Variants in CTNND2 observed in about 807,000 individuals in gnomAD.
CTNND2 encodes catenin delta 2, also known as catenin delta-2.
In CTNND2, 22 loss-of-function variants were observed where a neutral mutation model predicts 144.4. The ratio of observed to expected loss-of-function variants is 0.15; its 90% CI spans 0.11 to 0.22. CTNND2 has a LOEUF of 0.22. Ranked by LOEUF, CTNND2 falls within the 10% of genes least tolerant of loss-of-function variation. CTNND2 has a pLI of 1.00. For missense variants in CTNND2, 1,353 were observed against 1,618.8 expected (o/e 0.84, Z 2.82); for synonymous variants, 751 against 695.6 (o/e 1.08, Z -1.25).
At chr5:11,578,906 T>G (rs537950517) in intron 2 of CTNND2, among the ~76,000 whole-genome samples, 2 of 152,314 alleles carry the variant, frequency 1.3e-5, no homozygotes, top group African/African-American at 4.8e-5. Flanking sequence ...TATATTTCCC[T>G]GCTGCTTAGG....
At chr5:11,736,665 C>T (rs1015603067) in intron 1 of CTNND2, among the ~76,000 whole-genome samples, 2 of 152,044 alleles carry the variant, frequency 1.3e-5, no homozygotes, top group Non-Finnish European at 2.9e-5. Context: ...TGGCCAAATA[C>T]GTCAGTCTTA....
intron 2 of CTNND2, among the ~76,000 whole-genome samples, chr5:11,644,413 A>G (rs2561603): frequency 0.3 from 45,594 of 152,038 alleles, 8,309 homozygotes; most frequent in African/African-American, 0.5. Flanking sequence ...AGTGGCTCAC[A>G]CCTGTAATCT....
At chr5:11,357,462 C>T (rs1756008801) in intron 8 of CTNND2, among the ~76,000 whole-genome samples, 2 of 151,954 alleles carry the variant, frequency 1.3e-5, no homozygotes, top group Admixed American at 6.6e-5. Context: ...CTCACTCAAA[C>T]ATGGAATCTA....
At chr5:11,445,039 T>C (rs1581211881) in intron 3 of CTNND2, among the ~76,000 whole-genome samples, 1 of 152,150 alleles carries the variant, frequency 6.6e-6, no homozygotes, top group Non-Finnish European at 1.5e-5. Flanking sequence ...TAACATAAAC[T>C]GGGTGCTTCA....
chr5:11,768,219 G>A (rs1327433438), intron 1 of CTNND2, among the ~76,000 whole-genome samples: 1 of 152,304 alleles, frequency 6.6e-6, no homozygotes, highest in Non-Finnish European at 1.5e-5. Context: ...ACTAAGTCAT[G>A]AGCAGTAAGG....
At chr5:11,602,496 A>C (rs970214499) in intron 2 of CTNND2, among the ~76,000 whole-genome samples, 1 of 151,888 alleles carries the variant, frequency 6.6e-6, no homozygotes, top group African/African-American at 2.4e-5. Context: ...GGCCACAGAG[A>C]CCAGAGCGTC....
intron 21 of CTNND2, among the ~76,000 whole-genome samples, chr5:10,978,182 G>T (rs1402422519): frequency 6.6e-6 from 1 of 152,134 alleles, no homozygotes; most frequent in Non-Finnish European, 1.5e-5. Context: ...AAAGTTCTGG[G>T]GTAACTTTTG....
chr5:11,434,308 C>G (rs1282990551), intron 3 of CTNND2, among the ~76,000 whole-genome samples: 1 of 152,164 alleles, frequency 6.6e-6, no homozygotes, highest in African/African-American at 2.4e-5. Context: ...CAAAACAAAA[C>G]AGAGCAGTGG....
intron 1 of CTNND2, among the ~76,000 whole-genome samples, chr5:11,895,561 T>C (rs979345999): frequency 6.6e-5 from 10 of 152,286 alleles, no homozygotes; most frequent in African/African-American, 2.4e-4. Flanking sequence ...ACTGCTGTAT[T>C]TACTACTGGG....
intron 2 of CTNND2, among the ~76,000 whole-genome samples, chr5:11,621,879 TC>T (rs1460665155): frequency 1.3e-5 from 2 of 152,248 alleles, no homozygotes; most frequent in Non-Finnish European, 2.9e-5. Flanking sequence ...GTTGGCTGAT[TC>T]TATAAGCTGT....
chr5:11,889,369 A>C (rs985635632), intron 1 of CTNND2, among the ~76,000 whole-genome samples: 3 of 152,226 alleles, frequency 2.0e-5, no homozygotes, highest in Non-Finnish European at 2.9e-5. Context: ...CAAACACTAA[A>C]GATGCACAAC....
At chr5:11,121,166 A>G (rs1195060831) in intron 12 of CTNND2, among the ~76,000 whole-genome samples, 3 of 152,198 alleles carry the variant, frequency 2.0e-5, no homozygotes, top group Non-Finnish European at 4.4e-5. Context: ...TTTTGTCTCA[A>G]CACCTTTACT....
intron 2 of CTNND2, among the ~76,000 whole-genome samples, chr5:11,675,297 G>A (rs957392632): frequency 2.0e-5 from 3 of 152,200 alleles, no homozygotes; most frequent in East Asian, 1.9e-4. Flanking sequence ...TGTTTTAACC[G>A]TGATACCCAA....
At chr5:11,651,321 T>C (rs747245471) in intron 2 of CTNND2, among the ~76,000 whole-genome samples, 21 of 152,228 alleles carry the variant, frequency 1.4e-4, no homozygotes, top group Non-Finnish European at 2.5e-4. Flanking sequence ...AGGACAAGAA[T>C]TGAGGCTTTG....
intron 1 of CTNND2, among the ~76,000 whole-genome samples, chr5:11,783,752 C>T (rs1013626024): frequency 6.6e-6 from 1 of 152,148 alleles, no homozygotes; most frequent in Non-Finnish European, 1.5e-5. Flanking sequence ...TGGAGGCACA[C>T]CAACCAGGAA....
At chr5:11,282,519 C>T (rs952348508) in intron 9 of CTNND2, among the ~76,000 whole-genome samples, 1 of 152,138 alleles carries the variant, frequency 6.6e-6, no homozygotes, top group Non-Finnish European at 1.5e-5. Context: ...GCTACAGCCT[C>T]GATTTACAAA....
intron 11 of CTNND2, among the ~76,000 whole-genome samples, chr5:11,176,719 C>T (rs1043599154): frequency 6.6e-6 from 1 of 152,110 alleles, no homozygotes; most frequent in Admixed American, 6.6e-5. Context: ...CTGAATTGGG[C>T]TCTACTGTCA....
At chr5:11,628,554 G>A (rs1781267274) in intron 2 of CTNND2, among the ~76,000 whole-genome samples, 1 of 152,162 alleles carries the variant, frequency 6.6e-6, no homozygotes, top group South Asian at 2.1e-4. Flanking sequence ...CTCTTTTCCA[G>A]TTAATCACTG....
At chr5:11,580,974 T>C (rs2150129230) in intron 2 of CTNND2, among the ~76,000 whole-genome samples, 1 of 152,338 alleles carries the variant, frequency 6.6e-6, no homozygotes, top group South Asian at 2.1e-4. Flanking sequence ...TTCCATGGCC[T>C]CTTCCACAAC....
Sources: gnomAD v4.1 joint callset for allele counts (sites outside exome capture counted in the v4.1 genomes callset) on GRCh38, gnomAD v4.1.1 for gene constraint, MANE v1.5 for transcripts, NCBI Gene and HGNC (gene_info 2026-07-23, HGNC 2026-07-21) for gene names.